The following PCDHA9 variants were observed in gnomAD, a reference collection of about 807,000 sequenced individuals.
PCDHA9 encodes protocadherin alpha-9.
PCDHA9 carries 62 observed loss-of-function variants against 62.0 expected under a neutral mutation model. That is an observed-to-expected ratio of 1.00 (90% confidence interval 0.81 to 1.23). The LOEUF is 1.23. Among genes scored for constraint, PCDHA9 ranks in the 50% most tolerant of loss-of-function variants. PCDHA9 has a pLI of 0.00. For missense variants in PCDHA9, 1,205 were observed against 1,249.8 expected, an observed-to-expected ratio of 0.96 and a Z score of 0.54; for synonymous variants, 557 against 567.6, an observed-to-expected ratio of 0.98 and a Z score of 0.27.
chr5:141,006,404 G>A (rs1001810745), intron 3 of PCDHA9, among the ~76,000 whole-genome samples: 2 of 151,938 alleles, frequency 1.3e-5, no homozygotes, highest in East Asian at 1.9e-4. Flanking sequence ...TAGTAGAGAC[G>A]CGGTTTCACT....
intron 1 of PCDHA9, among the ~76,000 whole-genome samples, chr5:140,941,270 T>TTTCC (rs1378866749): frequency 2.2e-5 from 3 of 136,668 alleles, no homozygotes; most frequent in Admixed American, 7.6e-5. Context: ...TCTTTCTTTC[T>TTTCC]TTCCTTCCTT....
chr5:140,918,750 CAG>C (rs2078839943), intron 1 of PCDHA9, among the ~76,000 whole-genome samples: 1 of 152,070 alleles, frequency 6.6e-6, no homozygotes, highest in African/African-American at 2.4e-5. Flanking sequence ...AAAAGAGGCC[CAG>C]AGAGGTGCCT....
At chr5:140,968,252 C>A (rs201156874) in intron 1 of PCDHA9, 7 of 1,613,948 alleles carry the variant, frequency 4.3e-6, no homozygotes, top group Non-Finnish European at 8.5e-7. Context: ...AGCCACAGAC[C>A]CAGATGAAAA....
chr5:140,853,741 G>C, intron 1 of PCDHA9: 1 of 988,438 alleles, frequency 1.0e-6, no homozygotes, highest in East Asian at 1.1e-4. Flanking sequence ...TGAATGTTCT[G>C]GTTCAAGGCT....
rs2098416660 is a variant in PCDHA9, at chr5:141,010,249, T to C, written c.*312T>C. ...GCCCCGCCAGTGAGAGGTTGGACTC[T>C]CTGCCCTGTGCTCCGGGGATCCTGT... On this transcript the variant is annotated 3_prime_UTR_variant, in exon 4 of 4. Coordinates refer to ENST00000532602, the MANE Select transcript of PCDHA9 (RefSeq NM_031857.2). 2 of 1,551,772 alleles carry C rather than the reference T, an allele frequency of 1.3e-6. No homozygotes were observed. Among genetic ancestry groups the C allele is most frequent in the Non-Finnish European group, 1.7e-6 (2 of 1,147,036 alleles).
chr5:140,904,877 AC>A (rs2071441380), intron 1 of PCDHA9, among the ~76,000 whole-genome samples: 1 of 151,792 alleles, frequency 6.6e-6, no homozygotes, highest in African/African-American at 2.4e-5. Context: ...TCCTTAGCTC[AC>A]TTTTTGATGG....
chr5:140,861,018 C>T (rs1263823889), intron 1 of PCDHA9: 1 of 152,248 alleles, frequency 6.6e-6, no homozygotes, highest in South Asian at 2.1e-4. Context: ...CGAGTGCCAC[C>T]GCACCCGGCC....
In PCDHA9 at chr5:140,850,398, C is replaced by G; in HGVS notation, c.1903C>G (p.Arg635Gly). ...GTACACGGGCGAGATCAGCACAACG[C>G]GTGCCCTGGACGAAACGGACGCACC... ...GLYTGEISTT[R>G]ALDETDAPRQ... The change falls in exon 1 of 4, where the codon CGT becomes GGT. Residue 635 changes from arginine (R) to glycine (G), a missense_variant. Arg to Gly is a moderately radical substitution (Grantham distance 125). This residue lies in a region of PCDHA9 where 887 missense variants were observed against 809.5 expected (regional missense o/e 1.10). Coordinates refer to ENST00000532602, the MANE Select transcript of PCDHA9 (RefSeq NM_031857.2). 1.9e-6 allele frequency: 3 copies of G among 1,597,938 alleles called. No homozygotes were observed. Among genetic ancestry groups the G allele is most frequent in the Non-Finnish European group, 1.7e-6 (2 of 1,167,712 alleles).
chr5:140,870,927 T>G (rs782446287), intron 1 of PCDHA9: 1 of 1,613,880 alleles, frequency 6.2e-7, no homozygotes, highest in South Asian at 1.1e-5. Context: ...GGCTTTCATA[T>G]GAATTGCAGC....
intron 1 of PCDHA9, among the ~76,000 whole-genome samples, chr5:140,946,059 G>GA (rs2093880331): frequency 6.6e-6 from 1 of 152,156 alleles, no homozygotes; most frequent in East Asian, 1.9e-4. Flanking sequence ...CAGAATGGGA[G>GA]AAAATATTTG....
At chr5:140,871,624 A>C in intron 1 of PCDHA9, 2 of 1,409,596 alleles carry the variant, frequency 1.4e-6, no homozygotes, top group Non-Finnish European at 9.4e-7. Context: ...TTTAGATAAC[A>C]ATGTCTGTTC....
At position 140,848,413 on chromosome 5, in the gene PCDHA9, G is replaced by A. The variant is rs2150410118; in HGVS notation, c.-83G>A. On this transcript the variant is annotated 5_prime_UTR_variant, in exon 1 of 4. Transcript: ENST00000532602. The stretch of plus-strand genomic sequence containing the variant: ...TCTGTGCTGAACGATGGCGAACACA[G>A]CAGAATGGGACTGACGAAATCAGAT... 44 of 1,383,064 alleles carry A rather than the reference G, an allele frequency of 3.2e-5. 5 individuals are homozygous for A. Among genetic ancestry groups the A allele is most frequent in the Non-Finnish European group, 4.2e-5 (42 of 1,005,008 alleles). The allele number at this position is 1,383,064 out of a possible 1,614,324, so 85.7% of individuals were successfully genotyped here.
chr5:140,996,412 A>G (rs563756317), intron 3 of PCDHA9, among the ~76,000 whole-genome samples: 1 of 152,332 alleles, frequency 6.6e-6, no homozygotes, highest in Admixed American at 6.5e-5. Context: ...TGGGGCAGGC[A>G]GTGTGAAAAC....
chr5:140,868,942 C>G (rs1238492263), intron 1 of PCDHA9: 1 of 1,256,058 alleles, frequency 8.0e-7, no homozygotes, highest in Admixed American at 2.8e-5. Context: ...TTGGTCTGAA[C>G]AGTGAGGCAC....
chr5:140,986,467 T>G (rs190246289), intron 3 of PCDHA9, among the ~76,000 whole-genome samples: 4 of 152,196 alleles, frequency 2.6e-5, no homozygotes, highest in Non-Finnish European at 5.9e-5. Context: ...AATGCCCTCT[T>G]GTGATCAGTT....
intron 1 of PCDHA9, among the ~76,000 whole-genome samples, chr5:140,954,881 C>T (rs2095105725): frequency 6.6e-6 from 1 of 152,092 alleles, no homozygotes; most frequent in Non-Finnish European, 1.5e-5. Flanking sequence ...CCTAGCTTTT[C>T]TTCTAGGGTT....
Position 140,967,464 on chromosome 5 carries a change from G to A in PCDHA9, c.2395-11485G>A, listed in dbSNP as rs781900904. The A allele has an allele frequency of 1.9e-6, 3 of 1,613,386 alleles. No individual in the cohort carries two copies. In the East Asian group the frequency reaches 6.7e-5, roughly 36 times the overall value. ...CTGGTTCTCACAGCCGTGGATGGGG[G>A]CATCCCAGCCCGCTCGGGTACGGCA... On this transcript the variant is annotated intron_variant, in intron 1 of 3. Coordinates refer to ENST00000532602, the MANE Select transcript of PCDHA9 (RefSeq NM_031857.2).
chr5:140,858,068 G>A (rs576753961), intron 1 of PCDHA9: 1 of 1,597,756 alleles, frequency 6.3e-7, no homozygotes, highest in African/African-American at 1.3e-5. Context: ...GGGCAGCCAG[G>A]CACCCAAGGC....
At chr5:140,893,011 T>C (rs1194599055) in intron 1 of PCDHA9, among the ~76,000 whole-genome samples, 1 of 152,234 alleles carries the variant, frequency 6.6e-6, no homozygotes, top group Non-Finnish European at 1.5e-5. Flanking sequence ...TATTTTTCTG[T>C]GCCTGACTTA....
Sources: gnomAD v4.1 joint callset for allele counts (sites outside exome capture counted in the v4.1 genomes callset) on GRCh38, gnomAD v4.1.1 for gene constraint, gnomAD v4.1.1 regional missense constraint, MANE v1.5 for transcripts, NCBI Gene and HGNC (gene_info 2026-07-23, HGNC 2026-07-21) for gene names.